The following LILRA2 variants were observed in gnomAD, a reference collection of about 807,000 sequenced individuals.
LILRA2 encodes leukocyte immunoglobulin like receptor A2.
LILRA2 carries 45 observed loss-of-function variants against 47.9 expected under a neutral mutation model. The ratio of observed to expected loss-of-function variants is 0.94; its 90% CI spans 0.74 to 1.20. LILRA2 has a LOEUF of 1.20. Ranked by LOEUF, LILRA2 falls within the 50% of genes most tolerant of loss-of-function variation. LILRA2 has a pLI of 0.00. For missense variants in LILRA2, 651 were observed against 598.2 expected (o/e 1.09, Z -0.92); for synonymous variants, 279 against 249.2 (o/e 1.12, Z -1.13).
intron 1 of LILRA2, 29 bp from the exon 2 acceptor site, chr19:54,574,047 A>G (rs1328093550): frequency 1.4e-6 from 2 of 1,474,166 alleles, no homozygotes; most frequent in African/African-American, 4.1e-5. Context: ...CTTCAGGGGA[A>G]AAATCCCTCA....
intron 6 of LILRA2, among the ~76,000 whole-genome samples, chr19:54,582,739 T>C (rs1373232033): frequency 2.0e-5 from 3 of 152,230 alleles, no homozygotes; most frequent in African/African-American, 4.8e-5. Context: ...CCAGGATTCA[T>C]TGATTTTTTT....
At chr19:54,573,093 C>T (rs2062192359), upstream of LILRA2, 1 of 226,348 alleles carries the variant, frequency 4.4e-6, no homozygotes, top group Admixed American at 4.8e-5. Context: ...AAGTATTCCT[C>T]CCACCTCAGC....
chr19:54,584,537 G>A (rs998416997), intron 6 of LILRA2, among the ~76,000 whole-genome samples: 7 of 152,012 alleles, frequency 4.6e-5, no homozygotes, highest in African/African-American at 1.5e-4. Context: ...TTCAGTCACT[G>A]ATATCCTTTC....
chr19:54,587,012 GCAGCTGAGACCCT>G lies in LILRA2; in HGVS notation c.1263_1275del (p.Glu422HisfsTer13). 6 of 1,611,274 alleles carry G rather than the reference GCAGCTGAGACCCT, an allele frequency of 3.7e-6. No individual in the cohort carries two copies. The highest frequency in any genetic ancestry group is 5.1e-6 in the Non-Finnish European group (6 of 1,178,186). On this transcript the variant is annotated frameshift_variant, in exon 7 of 8. Transcript: ENST00000391738. LOFTEE classifies it low-confidence loss of function (END_TRUNC). Reference sequence around the variant, plus strand: ...TTCTCCACTGTTTTGATTCTCAGAAGCAGCTGAGACCCTCAGCCCATCACAAAACAAGACAGAC... The same window carrying G: ...TTCTCCACTGTTTTGATTCTCAGAAGCAGCCCATCACAAAACAAGACAGAC...
At chr19:54,583,966 G>C (rs979601738) in intron 6 of LILRA2, among the ~76,000 whole-genome samples, 3 of 152,148 alleles carry the variant, frequency 2.0e-5, no homozygotes, top group African/African-American at 7.2e-5. Flanking sequence ...AGGCAGGCCT[G>C]GTGGTGACAA....
At chr19:54,578,536 G>C (rs2062547307) in intron 6 of LILRA2, among the ~76,000 whole-genome samples, 1 of 152,148 alleles carries the variant, frequency 6.6e-6, no homozygotes, top group Non-Finnish European at 1.5e-5. Context: ...TGGACATTTG[G>C]GTTGGTTCCA....
intron 6 of LILRA2, among the ~76,000 whole-genome samples, chr19:54,584,667 A>G (rs903520498): frequency 1.3e-5 from 2 of 152,198 alleles, no homozygotes; most frequent in Non-Finnish European, 2.9e-5. Flanking sequence ...GTAGTTAGCC[A>G]TTCATCTAAC....
intron 6 of LILRA2, among the ~76,000 whole-genome samples, chr19:54,576,659 T>A (rs1361254074): frequency 6.6e-6 from 1 of 152,042 alleles, no homozygotes; most frequent in African/African-American, 2.4e-5. Flanking sequence ...GGGAGGGAGG[T>A]GTCTGAGGTT....
rs755915303 is a variant in LILRA2, at chr19:54,587,021, A to T, written c.1267A>T (p.Thr423Ser). 85 of 1,612,398 alleles carry T rather than the reference A, an allele frequency of 5.3e-5. No individual in the cohort carries two copies. The highest frequency in any genetic ancestry group is 7.2e-5 in the Non-Finnish European group (85 of 1,179,116). Residue 423 changes from threonine to serine, a missense_variant, in exon 7 of 8, where the codon ACC (threonine) becomes TCC (serine). Transcript: ENST00000391738. ...LELVVSEAAE[T>S]LSPSQNKTDS... ...GTTTTGATTCTCAGAAGCAGCTGAG[A>T]CCCTCAGCCCATCACAAAACAAGAC...
rs117446590 is a variant in LILRA2 at position 54,577,871 on chromosome 19, A to G, written c.1255+1762A>G. On this transcript the variant is annotated intron_variant, in intron 6 of 7. Transcript: ENST00000391738. ...AATATATGAACTTAAAATTGTATGC[A>G]TATATTATTTAAAAATCCTTATTTA... 825 of 321,950 alleles carry G rather than the reference A, an allele frequency of 2.6e-3. 3 individuals are homozygous for G. The highest frequency in any genetic ancestry group is 9.7e-3 in the Middle Eastern group (7 of 722). 19.9% of individuals were successfully genotyped at this position (321,950 alleles called of 1,614,324 possible). A position where few individuals can be genotyped will look rare whatever the true frequency, so the allele number is the denominator to read the frequency against.
At position 54,581,659 on chromosome 19, in the gene LILRA2, TAA is replaced by T. The variant is rs374997170; in HGVS notation, c.1256-5348_1256-5347del. On this transcript the variant is annotated intron_variant, in intron 6 of 7. Coordinates refer to ENST00000391738, the MANE Select transcript of LILRA2 (RefSeq NM_001130917.3). The stretch of plus-strand genomic sequence containing the variant: ...TGCTACAAACCACTGCTCAAGGAAA[TAA>T]AAGAGGACACAAACAAATGGAAGAA... 6.9e-4 allele frequency among the ~76,000 whole-genome samples: 104 copies of T among 151,662 alleles called. 3 individuals are homozygous for T. Among genetic ancestry groups the T allele is most frequent in the Admixed American group, 1.9e-3 (29 of 15,270 alleles).
intron 6 of LILRA2, among the ~76,000 whole-genome samples, chr19:54,579,831 T>C (rs1290145914): frequency 6.6e-6 from 1 of 152,186 alleles, no homozygotes; most frequent in Non-Finnish European, 1.5e-5. Context: ...TCACATCCTT[T>C]GTTAGTTGGA....
At chr19:54,585,287 G>A (rs1374996266) in intron 6 of LILRA2, among the ~76,000 whole-genome samples, 6 of 152,184 alleles carry the variant, frequency 3.9e-5, no homozygotes, top group African/African-American at 1.2e-4. Flanking sequence ...GCTCTAATGC[G>A]GTGCTGAGAG....
At position 54,574,717 on chromosome 19, in the gene LILRA2, T is replaced by G. The variant is rs371593310; in HGVS notation, c.353-14T>G. 3.7e-6 allele frequency: 6 copies of G among 1,613,156 alleles called. No homozygotes were observed. The highest frequency in any genetic ancestry group is 4.2e-6 in the Non-Finnish European group (5 of 1,179,310). Reference sequence around the variant, plus strand: ...TGGGAGCCCCATTTAACACAGTGCCTCCTTCTCTCCTAGGAGCCTACAGCA... The same window carrying G: ...TGGGAGCCCCATTTAACACAGTGCCGCCTTCTCTCCTAGGAGCCTACAGCA... On this transcript the variant is annotated splice_polypyrimidine_tract_variant and intron_variant, in intron 3 of 7. Transcript: ENST00000391738.
In LILRA2 at chr19:54,588,252, A is replaced by T. The variant is rs2062865765; in HGVS notation, c.*906A>T. 6.6e-6 allele frequency: 1 copy of T among 152,248 alleles called. No individual in the cohort carries two copies. Among genetic ancestry groups the T allele is most frequent in the Non-Finnish European group, 1.5e-5 (1 of 68,050 alleles). 9.4% of individuals were successfully genotyped at this position (152,248 alleles called of 1,614,324 possible). A position where few individuals can be genotyped will look rare whatever the true frequency, so the allele number is the denominator to read the frequency against. On this transcript the variant is annotated 3_prime_UTR_variant, in exon 8 of 8. Transcript: ENST00000391738. The stretch of plus-strand genomic sequence containing the variant: ...AATTCTGACACTGTTATCCTAGCAT[A>T]TCCACAAAAGACAAACCTATTAATA...
rs770892939 is a variant in LILRA2 at position 54,574,261 on chromosome 19, TG to T, written c.71-37del. On this transcript the variant is annotated intron_variant, in intron 2 of 7. Transcript: ENST00000391738. The stretch of plus-strand genomic sequence containing the variant: ...CAGCTGAGAGCTGAGATCTGTTGGG[TG>T]GGAAATGACTTAGAATCCGACCTCT... The T allele has an allele frequency of 2.7e-5, 43 of 1,613,788 alleles. No homozygotes were observed. In the South Asian group the frequency reaches 4.6e-4, roughly 17 times the overall value.
intron 6 of LILRA2, among the ~76,000 whole-genome samples, chr19:54,576,323 ACGG>A (rs2062434114): frequency 1.5e-5 from 2 of 129,722 alleles, no homozygotes; most frequent in Non-Finnish European, 1.7e-5. Flanking sequence ...CTGGGAGGAG[ACGG>A]GGGCGGGGGG....
rs1335920005 is a variant in LILRA2, at chr19:54,573,890, C to G, written c.12C>G (p.Ile4Met). The change falls in exon 1 of 8, where the codon ATC (isoleucine) becomes ATG (methionine). Residue 4 changes from isoleucine (I) to methionine (M), a missense_variant. Physicochemically the swap from Ile to Met is conservative, Grantham distance 10 (BLOSUM62 1). Coordinates refer to ENST00000391738, the MANE Select transcript of LILRA2 (RefSeq NM_001130917.3). ...TGGGAGGAGACGCCATGACCCCCATCCTCACGGTCCTGATCTGTCTCGGTG... is the reference window on the plus strand; with the variant it reads ...TGGGAGGAGACGCCATGACCCCCATGCTCACGGTCCTGATCTGTCTCGGTG... MTP[I>M]LTVLICLGLS... 6.2e-7 allele frequency: 1 copy of G among 1,614,100 alleles called. No homozygotes were observed. Among genetic ancestry groups the G allele is most frequent in the Non-Finnish European group, 8.5e-7 (1 of 1,180,044 alleles).
At chr19:54,573,458 C>A, upstream of LILRA2, 1 of 1,085,540 alleles carries the variant, frequency 9.2e-7, no homozygotes, top group Non-Finnish European at 1.4e-6. Context: ...CAACGCTGAG[C>A]TGATGGACGG....
Sources: allele counts gnomAD v4.1 joint callset (sites outside exome capture counted in the v4.1 genomes callset), GRCh38; gene constraint gnomAD v4.1.1; transcripts MANE v1.5; gene names NCBI Gene and HGNC (gene_info 2026-07-23, HGNC 2026-07-21).